The following TRPM4 variants were observed in gnomAD, a reference collection of about 807,000 sequenced individuals.
TRPM4 encodes transient receptor potential cation channel subfamily M member 4.
In TRPM4, 124 loss-of-function variants were observed where a neutral mutation model predicts 135.6. The observed-to-expected ratio is 0.91, with a 90% CI of 0.79 to 1.06. The LOEUF is 1.06. Ranked by LOEUF, TRPM4 falls within the 50% of genes least tolerant of loss-of-function variation. The probability of loss-of-function intolerance (pLI) is 0.00; values close to 1 mark genes in which losing one functional copy is unlikely to be tolerated. For synonymous variants in TRPM4, 745 were observed against 705.6 expected, an observed-to-expected ratio of 1.06 and a Z score of -0.88; for missense variants, 1,658 against 1,671.4, an observed-to-expected ratio of 0.99 and a Z score of 0.14.
rs1196901471 is a variant in TRPM4, at chr19:49,190,725, A to T, written c.2162A>T (p.Glu721Val). ...TCAGAAGAGGAGCCCACACGGGAGG[A>T]GCTAGAGTTTGACATGGATAGTGTC... ...RKSEEEPTRE[E>V]LEFDMDSVIN... The change falls in exon 16 of 25, where the codon GAG becomes GTG. Residue 721 changes from glutamate (E) to valine (V), a missense_variant. Physicochemically the swap from Glu to Val is moderately radical, Grantham distance 121. Transcript: ENST00000252826. The T allele has an allele frequency of 1.2e-6, 2 of 1,613,778 alleles. No individual in the cohort carries two copies. Among genetic ancestry groups the T allele is most frequent in the Non-Finnish European group, 1.7e-6 (2 of 1,179,986 alleles).
chr19:49,178,238 G>T (rs557003075), intron 9 of TRPM4, among the ~76,000 whole-genome samples: 1 of 152,106 alleles, frequency 6.6e-6, no homozygotes, highest in African/African-American at 2.4e-5. Flanking sequence ...CAGGAGGATC[G>T]CTTGAGCCTG....
chr19:49,166,120 G>A lies in TRPM4; in HGVS notation c.172G>A (p.Val58Met), dbSNP rs1967165520. 2 of 1,604,858 alleles carry A rather than the reference G, an allele frequency of 1.2e-6. No homozygotes were observed. The highest frequency in any genetic ancestry group is 1.7e-6 in the Non-Finnish European group (2 of 1,176,830). ...GGAGGATGCCTTCGGGGCAGCCGTG[G>A]TGACCGTGTGGGACAGCGATGCACA... The part of the protein sequence containing the change: ...AMEDAFGAAV[V>M]TVWDSDAHTT... The change falls in exon 3 of 25, where the codon GTG becomes ATG. Residue 58 changes from valine (V) to methionine (M), a missense_variant. By Grantham distance (21) the Val-to-Met change is conservative. Coordinates refer to ENST00000252826, the MANE Select transcript of TRPM4 (RefSeq NM_017636.4).
At chr19:49,164,752 A>G (rs116693563) in intron 2 of TRPM4, among the ~76,000 whole-genome samples, 205 of 149,436 alleles carry the variant, frequency 1.4e-3, no homozygotes, top group African/African-American at 5.0e-3. Flanking sequence ...TTTTTTTTGA[A>G]CAGGGTCTCA....
At chr19:49,186,874 A>G (rs1968215297) in intron 12 of TRPM4, among the ~76,000 whole-genome samples, 1 of 132,222 alleles carries the variant, frequency 7.6e-6, no homozygotes, top group South Asian at 2.3e-4. Context: ...ACTCCGTCTC[A>G]AAAAAAAAAA....
At position 49,168,603 on chromosome 19, in the gene TRPM4, C is replaced by G. The variant is rs866398035; in HGVS notation, c.663C>G (p.Val221=). The G allele has an allele frequency of 6.2e-7, 1 of 1,613,652 alleles. No individual in the cohort carries two copies. Among genetic ancestry groups the G allele is most frequent in the African/African-American group, 1.3e-5 (1 of 74,906 alleles). ...YRWRGDPEDG[V]QFPLDYNYSA... ...GGCGCGGTGACCCGGAGGACGGGGTCCAGTTTCCCCTGGACTACAACTACT... is the reference window on the plus strand; with the variant it reads ...GGCGCGGTGACCCGGAGGACGGGGTGCAGTTTCCCCTGGACTACAACTACT... Residue 221 remains valine, a synonymous_variant, in exon 6 of 25, where the codon GTC becomes GTG. Coordinates refer to ENST00000252826, the MANE Select transcript of TRPM4 (RefSeq NM_017636.4).
At chr19:49,183,987 T>G (rs1322076877) in intron 12 of TRPM4, among the ~76,000 whole-genome samples, 1 of 151,922 alleles carries the variant, frequency 6.6e-6, no homozygotes, top group East Asian at 1.9e-4. Flanking sequence ...GGTCTTGATC[T>G]CCTGACCTTG....
rs538060450 is a variant in TRPM4 at position 49,197,907 on chromosome 19, T to A, written c.2645+1033T>A. ...CTTTGCCATATTGACCAGGCTGGTC[T>A]TGAACTCTTGGCCTCAAGTGATCCA... On this transcript the variant is annotated intron_variant, in intron 17 of 24. Coordinates refer to ENST00000252826, the MANE Select transcript of TRPM4 (RefSeq NM_017636.4). 8.5e-5 allele frequency among the ~76,000 whole-genome samples: 13 copies of A among 152,134 alleles called. No individual in the cohort carries two copies. In the South Asian group the frequency reaches 2.5e-3, roughly 29 times the overall value.
rs372907730 is a variant in TRPM4, at chr19:49,168,243, C to G, written c.449-17C>G. The G allele has an allele frequency of 1.9e-6, 3 of 1,613,930 alleles. No individual in the cohort carries two copies. The African/African-American group carries it at 4.0e-5, about 22-fold the overall frequency. The stretch of plus-strand genomic sequence containing the variant: ...TTCTCTCCCCCTGCCTCTGCATGTT[C>G]CTCGGCGTCTGTGTAGGAGCCTGGA... On this transcript the variant is annotated splice_polypyrimidine_tract_variant and intron_variant, in intron 4 of 24. Coordinates refer to ENST00000252826, the MANE Select transcript of TRPM4 (RefSeq NM_017636.4).
rs946599585 is a variant in TRPM4 at position 49,157,929 on chromosome 19, G to T, written c.24+39G>T. 3.3e-6 allele frequency: 5 copies of T among 1,533,196 alleles called. No homozygotes were observed. The East Asian group carries it at 1.2e-4, about 38-fold the overall frequency. The allele number at this position is 1,533,196 out of a possible 1,614,324, so 95.0% of individuals were successfully genotyped here. A position where few individuals can be genotyped will look rare whatever the true frequency, so the allele number is the denominator to read the frequency against. On this transcript the variant is annotated intron_variant, in intron 1 of 24. Transcript: ENST00000252826. ...CAGGGTCTGCGGGAGCGCGGAGCTG[G>T]GGACCTCGCCTCCAGGCTCCCAGAG... is the stretch of plus-strand genomic sequence containing the variant.
chr19:49,167,579 C>CTCTCTCTGGGTCTCTGTCCCA, intron 3 of TRPM4: 1 of 297,608 alleles, frequency 3.4e-6, no homozygotes, highest in Non-Finnish European at 6.1e-6. Flanking sequence ...CTCTGTCCCT[C>CTCTCTCTGGGTCTCTGTCCCA]TCTCTCTGGG....
chr19:49,184,928 TTTC>T (rs200803714), intron 12 of TRPM4, among the ~76,000 whole-genome samples: 2,274 of 134,514 alleles, frequency 0.017, 55 homozygotes, highest in African/African-American at 0.059. Flanking sequence ...TCTGTGTTTT[TTTC>T]TTTTTTTTTT....
intron 2 of TRPM4, among the ~76,000 whole-genome samples, chr19:49,162,793 G>A (rs180758470): frequency 1.1e-4 from 17 of 151,868 alleles, no homozygotes; most frequent in African/African-American, 3.9e-4. Context: ...GTGGAGTCTC[G>A]CTCTGTCGCC....
chr19:49,182,752 G>A lies in TRPM4; in HGVS notation c.1438G>A (p.Ala480Thr). 2.5e-6 allele frequency: 4 copies of A among 1,613,792 alleles called. No homozygotes were observed. Among genetic ancestry groups the A allele is most frequent in the Non-Finnish European group, 3.4e-6 (4 of 1,179,780 alleles). ...NSLIRNLLDQ[A>T]SHSAGTKAPA... Reference sequence around the variant, plus strand: ...GCTCATCCGCAACCTTTTGGACCAGGCGTCCCACAGCGCAGGCACCAAAGC... The same window carrying A: ...GCTCATCCGCAACCTTTTGGACCAGACGTCCCACAGCGCAGGCACCAAAGC... Residue 480 changes from alanine (A) to threonine (T), a missense_variant, in exon 11 of 25, where the codon GCG (alanine) becomes ACG (threonine). Ala to Thr is a moderately conservative substitution (Grantham distance 58). This residue lies in a region of TRPM4 where 1,412 missense variants were observed against 1,408.7 expected (regional missense o/e 1.00). Transcript: ENST00000252826.
At chr19:49,166,361 CTT>C (rs1401484567) in intron 3 of TRPM4, 146 bp downstream of exon 3, 1 of 810,192 alleles carries the variant, frequency 1.2e-6, no homozygotes, top group Non-Finnish European at 1.9e-6. Flanking sequence ...CCCCACCTAT[CTT>C]CTCTCTGAGG....
chr19:49,180,428 C>CTGTGTGTGTGTGTGTGTG (rs71919979), intron 9 of TRPM4, among the ~76,000 whole-genome samples: 1 of 131,242 alleles, frequency 7.6e-6, no homozygotes, highest in African/African-American at 2.9e-5. Context: ...TCATCATCTG[C>CTGTGTGTGTGTGTGTGTG]TGTGTGTGTG....
chr19:49,189,997 A>G (rs563137166), intron 14 of TRPM4, among the ~76,000 whole-genome samples: 2 of 152,290 alleles, frequency 1.3e-5, no homozygotes, highest in South Asian at 4.1e-4. Context: ...TGTATCTGCC[A>G]TATGGTGTCA....
intron 3 of TRPM4, 38 bp downstream of exon 3, chr19:49,166,253 G>A (rs749780741): frequency 1.3e-6 from 2 of 1,553,186 alleles, no homozygotes; most frequent in East Asian, 2.3e-5. Flanking sequence ...CGGGCACCAG[G>A]GGGCTGCATG....
chr19:49,166,226 C>T lies in TRPM4; in HGVS notation c.267+11C>T. 3.1e-6 allele frequency: 5 copies of T among 1,589,428 alleles called. No homozygotes were observed. The highest frequency in any genetic ancestry group is 3.4e-6 in the Non-Finnish European group (4 of 1,169,166). On this transcript the variant is annotated intron_variant, in intron 3 of 24. Coordinates refer to ENST00000252826, the MANE Select transcript of TRPM4 (RefSeq NM_017636.4). ...CGCAAGCACAGCAATGTGAGGCGGG[C>T]CTCTGTGGGCGGGGCCCGGGCACCA...
intron 20 of TRPM4, among the ~76,000 whole-genome samples, chr19:49,204,987 T>TTG (rs1422768979): frequency 7.5e-6 from 1 of 133,002 alleles, no homozygotes; most frequent in African/African-American, 3.7e-5. Flanking sequence ...TGGTTGTTTT[T>TTG]TTTTTTTTTT....
Sources: gnomAD v4.1 joint callset for allele counts (sites outside exome capture counted in the v4.1 genomes callset) on GRCh38, gnomAD v4.1.1 for gene constraint, gnomAD v4.1.1 regional missense constraint, MANE v1.5 for transcripts, NCBI Gene and HGNC (gene_info 2026-07-23, HGNC 2026-07-21) for gene names.